The following AFDN variants were observed in gnomAD, a reference collection of about 807,000 sequenced individuals.
The protein encoded by AFDN is afadin, adherens junction formation factor.
AFDN carries 68 observed loss-of-function variants against 216.6 expected under a neutral mutation model. The ratio of observed to expected loss-of-function variants is 0.31; its 90% CI spans 0.26 to 0.38. The LOEUF (loss-of-function observed/expected upper bound fraction) is 0.38. AFDN is among the 10% of genes least tolerant of loss of function. The pLI is 1.00. For missense variants in AFDN, 2,136 were observed against 2,342.0 expected (o/e 0.91, Z 1.82); for synonymous variants, 868 against 853.7 (o/e 1.02, Z -0.29).
intron 21 of AFDN, among the ~76,000 whole-genome samples, chr6:167,919,171 C>T (rs1791480211): frequency 6.6e-6 from 1 of 152,250 alleles, no homozygotes; most frequent in Non-Finnish European, 1.5e-5. Flanking sequence ...GCTCTGCGCA[C>T]TTGATGTCAT....
intron 29 of AFDN, 118 bp downstream of exon 29, chr6:167,948,596 A>C: frequency 4.0e-6 from 4 of 1,000,956 alleles, no homozygotes; most frequent in African/African-American, 1.6e-5. Flanking sequence ...TTTTCCTTTA[A>C]TGGTTTTGTG....
At chr6:167,838,687 C>A (rs1487287431) in intron 1 of AFDN, among the ~76,000 whole-genome samples, 1 of 152,230 alleles carries the variant, frequency 6.6e-6, no homozygotes, top group African/African-American at 2.4e-5. Context: ...GTTGTACCTT[C>A]TTACATCCTA....
chr6:167,897,602 A>G (rs114877480), intron 10 of AFDN, among the ~76,000 whole-genome samples: 1,490 of 148,292 alleles, frequency 0.01, 29 homozygotes, highest in African/African-American at 0.036. Flanking sequence ...AGATTTGTCC[A>G]TTAACCATCT....
At chr6:167,886,704 A>C (rs1786860603) in intron 6 of AFDN, among the ~76,000 whole-genome samples, 1 of 152,190 alleles carries the variant, frequency 6.6e-6, no homozygotes, top group African/African-American at 2.4e-5. Context: ...ACTGCTGTAC[A>C]AAGTTTTCTA....
intron 1 of AFDN, among the ~76,000 whole-genome samples, chr6:167,832,181 A>T (rs1779903725): frequency 6.6e-6 from 1 of 152,200 alleles, no homozygotes. Flanking sequence ...TGTAAGTTGG[A>T]TACTGAGCAG....
intron 21 of AFDN, among the ~76,000 whole-genome samples, chr6:167,921,211 A>T (rs900560944): frequency 1.3e-5 from 2 of 152,262 alleles, no homozygotes; most frequent in African/African-American, 4.8e-5. Context: ...CACATGTGCC[A>T]TAGGGCGGAT....
At chr6:167,901,020 A>T (rs1282098123) in intron 11 of AFDN, among the ~76,000 whole-genome samples, 2 of 152,206 alleles carry the variant, frequency 1.3e-5, no homozygotes, top group Admixed American at 1.3e-4. Context: ...TTTGCATTAC[A>T]AAATGGTTTT....
intron 1 of AFDN, 80 bp from the exon 2 acceptor site, chr6:167,864,471 C>G (rs575552512): frequency 7.6e-7 from 1 of 1,311,280 alleles, no homozygotes. Flanking sequence ...AGTGAACAGA[C>G]TTCCTCATTT....
intron 1 of AFDN, among the ~76,000 whole-genome samples, chr6:167,849,712 T>G (rs1278847957): frequency 1.3e-5 from 2 of 152,210 alleles, no homozygotes; most frequent in African/African-American, 4.8e-5. Context: ...AAACAGGAGT[T>G]AAGAGTATTA....
At chr6:167,969,745 T>C in intron 33 of AFDN, 37 bp from the exon 34 acceptor site, 1 of 1,565,836 alleles carries the variant, frequency 6.4e-7, no homozygotes, top group Non-Finnish European at 8.6e-7. Context: ...TTGTTTCTAG[T>C]TTGTCCAGTA....
At chr6:167,835,966 A>G (rs1390117828) in intron 1 of AFDN, among the ~76,000 whole-genome samples, 1 of 152,240 alleles carries the variant, frequency 6.6e-6, no homozygotes, top group Admixed American at 6.5e-5. Context: ...TAATATTTAA[A>G]ATGTAAACAT....
intron 30 of AFDN, 118 bp downstream of exon 30, chr6:167,952,305 TTA>T (rs1034537774): frequency 6.4e-7 from 1 of 1,551,056 alleles, no homozygotes; most frequent in African/African-American, 1.4e-5. Context: ...GCCCCTAGGC[TTA>T]TACTGTTTTA....
chr6:167,886,236 G>A (rs907924288), intron 6 of AFDN, among the ~76,000 whole-genome samples: 1 of 152,098 alleles, frequency 6.6e-6, no homozygotes, highest in African/African-American at 2.4e-5. Flanking sequence ...TGGTAATTTG[G>A]TGCACCTTTT....
chr6:167,888,902 A>G (rs1787207492), intron 6 of AFDN, among the ~76,000 whole-genome samples: 1 of 152,186 alleles, frequency 6.6e-6, no homozygotes, highest in East Asian at 1.9e-4. Flanking sequence ...AAGAAATTAC[A>G]CAGAAGTTAA....
intron 1 of AFDN, among the ~76,000 whole-genome samples, chr6:167,834,122 G>C (rs142056743): frequency 3.2e-4 from 49 of 152,034 alleles, no homozygotes; most frequent in African/African-American, 1.1e-3. Context: ...TATTTCTGTA[G>C]GTTTTTGGGG....
intron 23 of AFDN, among the ~76,000 whole-genome samples, chr6:167,937,675 A>G (rs1794179035): frequency 1.3e-5 from 2 of 152,386 alleles, no homozygotes; most frequent in South Asian, 2.1e-4. Flanking sequence ...ATAAGAAAAT[A>G]GAATGTGTCT....
chr6:167,936,004 C>G (rs1309744383), intron 23 of AFDN, among the ~76,000 whole-genome samples: 2 of 152,092 alleles, frequency 1.3e-5, no homozygotes, highest in African/African-American at 4.8e-5. Context: ...TTTCTGCTAG[C>G]TGTGTTTTTT....
At chr6:167,850,611 T>A (rs1782189544) in intron 1 of AFDN, among the ~76,000 whole-genome samples, 1 of 152,202 alleles carries the variant, frequency 6.6e-6, no homozygotes, top group Non-Finnish European at 1.5e-5. Flanking sequence ...TATGGTACAT[T>A]ATCTTCATCG....
At chr6:167,869,221 A>G (rs900364915) in intron 2 of AFDN, among the ~76,000 whole-genome samples, 1 of 151,960 alleles carries the variant, frequency 6.6e-6, no homozygotes, top group Non-Finnish European at 1.5e-5. Context: ...TTGGATAGGG[A>G]GTCAGTGATT....
Sources: allele counts gnomAD v4.1 joint callset (sites outside exome capture counted in the v4.1 genomes callset), GRCh38; gene constraint gnomAD v4.1.1; transcripts MANE v1.5; gene names NCBI Gene and HGNC (gene_info 2026-07-23, HGNC 2026-07-21).